The following TMEM175 variants were observed in gnomAD, a reference collection of about 807,000 sequenced individuals.
TMEM175 encodes the protein endosomal/lysosomal proton channel TMEM175.
A neutral mutation model predicts 36.5 loss-of-function variants in TMEM175; 36 were observed. That is an observed-to-expected ratio of 0.99 (90% CI 0.76 to 1.30). The LOEUF (loss-of-function observed/expected upper bound fraction) is 1.30, where lower values mean the gene tolerates loss of function less well. TMEM175 is among the 50% of genes most tolerant of loss of function. The pLI is 0.00. For missense variants in TMEM175, 705 were observed against 692.8 expected (o/e 1.02, Z -0.20); for synonymous variants, 339 against 313.4 (o/e 1.08, Z -0.86).
At chr4:934,399 A>C (rs1373831614) in intron 1 of TMEM175, among the ~76,000 whole-genome samples, 1 of 152,216 alleles carries the variant, frequency 6.6e-6, no homozygotes, top group African/African-American at 2.4e-5. Context: ...TGCAGCTAAG[A>C]GTGTCGAATG....
At chr4:952,345 G>C (rs776600456) in intron 6 of TMEM175, 22 bp from the exon 7 acceptor site, 9 of 1,606,848 alleles carry the variant, frequency 5.6e-6, no homozygotes, top group African/African-American at 1.3e-5. Context: ...GGGGGGGTTT[G>C]GTTTTGTTTT....
At chr4:947,266 C>G (rs565961233) in intron 1 of TMEM175, among the ~76,000 whole-genome samples, 17 of 143,146 alleles carry the variant, frequency 1.2e-4, no homozygotes, top group Non-Finnish European at 2.1e-4. Context: ...CGGGGGAGAG[C>G]GCGGCCCTGT....
chr4:948,159 C>T lies in TMEM175; in HGVS notation c.192+5C>T, dbSNP rs766195219. ...ACGGAGATCTCCCCAGAACAGGTAA[C>T]GGGGCAGGCTGTGCTCTGCGTGGTG... On this transcript the variant is annotated splice_donor_5th_base_variant and intron_variant, in intron 3 of 10. Coordinates refer to ENST00000264771, the MANE Select transcript of TMEM175 (RefSeq NM_032326.4). The T allele has an allele frequency of 3.8e-5, 61 of 1,614,024 alleles. No individual in the cohort carries two copies. Among genetic ancestry groups the T allele is most frequent in the Admixed American group, 8.3e-5 (5 of 60,004 alleles).
chr4:948,173 C>T lies in TMEM175; in HGVS notation c.192+19C>T, dbSNP rs201397699. On this transcript the variant is annotated intron_variant, in intron 3 of 10. Transcript: ENST00000264771. Reference sequence around the variant, plus strand: ...AGAACAGGTAACGGGGCAGGCTGTGCTCTGCGTGGTGTGGCCCTGCGAAGA... The same window carrying T: ...AGAACAGGTAACGGGGCAGGCTGTGTTCTGCGTGGTGTGGCCCTGCGAAGA... 8 of 1,614,126 alleles carry T rather than the reference C, an allele frequency of 5.0e-6. No homozygotes were observed. The East Asian group carries it at 1.6e-4, about 31-fold the overall frequency.
At position 951,206 on chromosome 4, in the gene TMEM175, GGTT is replaced by G; in HGVS notation, c.294_296del (p.Leu98del). The G allele has an allele frequency of 1.2e-6, 2 of 1,614,016 alleles. No individual in the cohort carries two copies. The highest frequency in any genetic ancestry group is 1.7e-6 in the Non-Finnish European group (2 of 1,179,966). ...GTCTATCTTTTTCTTAAATGGTTTAGGTTGTTCCAAGTTGTTGGGAAAACAGAC... is the reference window on the plus strand; with the variant it reads ...GTCTATCTTTTTCTTAAATGGTTTAGGTTCCAAGTTGTTGGGAAAACAGAC... On this transcript the variant is annotated inframe_deletion and splice_region_variant, in exon 5 of 11. Transcript: ENST00000264771.
chr4:951,072 A>C (rs1318682080), intron 4 of TMEM175, 135 bp from the exon 5 acceptor site: 17 of 874,118 alleles, frequency 1.9e-5, no homozygotes, highest in Non-Finnish European at 3.0e-5. Context: ...TCCGTGCACT[A>C]GGTAGTAGTT....
chr4:957,851 T>A lies in TMEM175; in HGVS notation c.870T>A (p.Asp290Glu). Residue 290 changes from aspartate (D) to glutamate (E), a missense_variant, in exon 11 of 11, where the codon GAT (aspartate) becomes GAA (glutamate). Physicochemically the swap from Asp to Glu is conservative, Grantham distance 45. Coordinates refer to ENST00000264771, the MANE Select transcript of TMEM175 (RefSeq NM_032326.4). ...ICEDNVPDPK[D>E]VKERFSGSLV... ...AAGACAACGTCCCGGACCCCAAGGA[T>A]GTGAAGGAGAGGTTCAGCGGCAGCC... 6.2e-7 allele frequency: 1 copy of A among 1,611,972 alleles called. No individual in the cohort carries two copies. Among genetic ancestry groups the A allele is most frequent in the East Asian group, 2.2e-5 (1 of 44,874 alleles).
intron 10 of TMEM175, among the ~76,000 whole-genome samples, chr4:957,444 G>A (rs892049599): frequency 3.3e-5 from 5 of 152,188 alleles, no homozygotes; most frequent in African/African-American, 9.7e-5. Context: ...GGGTGGCTCC[G>A]AGGGCTGGAA....
chr4:937,534 A>C (rs1362188372), intron 1 of TMEM175, among the ~76,000 whole-genome samples: 1 of 152,182 alleles, frequency 6.6e-6, no homozygotes, highest in Non-Finnish European at 1.5e-5. Context: ...TTGCACTCCA[A>C]CCTGGACAAC....
intron 1 of TMEM175, among the ~76,000 whole-genome samples, chr4:941,370 C>T (rs1428996686): frequency 2.1e-5 from 2 of 94,490 alleles, no homozygotes; most frequent in African/African-American, 9.2e-5. Context: ...GAGCGAAACT[C>T]TGTCTCAAAA....
chr4:957,257 G>A (rs943562077), intron 10 of TMEM175, among the ~76,000 whole-genome samples: 3 of 151,844 alleles, frequency 2.0e-5, no homozygotes, highest in African/African-American at 4.8e-5. Context: ...TTCACTTCCC[G>A]ATGTTGAAGG....
At position 932,738 on chromosome 4, in the gene TMEM175, C is replaced by G. The variant is rs571863090; in HGVS notation, c.-32+198C>G. ...AGTTGGCTAAGGAGCAAGGAGTTAGCGTGCGTTAAGCTTTCAGTAAATACT... is the reference window on the plus strand; with the variant it reads ...AGTTGGCTAAGGAGCAAGGAGTTAGGGTGCGTTAAGCTTTCAGTAAATACT... On this transcript the variant is annotated intron_variant, in intron 1 of 10. Transcript: ENST00000264771. The surrounding 1 kb of genome is among the most constrained non-coding windows in gnomAD (Gnocchi z 4.0). Among the ~76,000 whole-genome samples, 3 of 152,350 alleles carry G rather than the reference C, an allele frequency of 2.0e-5. No homozygotes were observed. The South Asian group carries it at 6.2e-4, about 32-fold the overall frequency.
At chr4:947,446 A>T (rs1728324861) in intron 1 of TMEM175, among the ~76,000 whole-genome samples, 1 of 152,100 alleles carries the variant, frequency 6.6e-6, no homozygotes, top group Admixed American at 6.5e-5. Flanking sequence ...CCGTTTCCTG[A>T]GGAGAAACTG....
intron 3 of TMEM175, among the ~76,000 whole-genome samples, chr4:950,180 G>A (rs565669204): frequency 6.6e-6 from 1 of 151,828 alleles, no homozygotes; most frequent in Non-Finnish European, 1.5e-5. Flanking sequence ...GTGGGGGCTG[G>A]AGGGGTGGGG....
At chr4:938,548 A>G (rs574406560) in intron 1 of TMEM175, among the ~76,000 whole-genome samples, 1 of 152,206 alleles carries the variant, frequency 6.6e-6, no homozygotes, top group East Asian at 1.9e-4. Context: ...AAAAAGAGCT[A>G]CTCGTGAGTT....
At chr4:949,474 ACCT>A (rs1026872459) in intron 3 of TMEM175, among the ~76,000 whole-genome samples, 3 of 152,222 alleles carry the variant, frequency 2.0e-5, no homozygotes, top group Middle Eastern at 3.4e-3. Context: ...AACAGTGGAC[ACCT>A]CCTTGTGAGG....
intron 8 of TMEM175, among the ~76,000 whole-genome samples, chr4:954,732 A>G (rs1364347853): frequency 6.6e-6 from 1 of 152,214 alleles, no homozygotes. Context: ...CCAAACTTCC[A>G]CAGCAGCTGC....
Position 951,100 on chromosome 4 carries a change from G to A in TMEM175, c.291-107G>A, listed in dbSNP as rs1728835988. 16 of 1,109,100 alleles carry A rather than the reference G, an allele frequency of 1.4e-5. No individual in the cohort carries two copies. The South Asian group carries it at 1.7e-4, about 12-fold the overall frequency. The allele number at this position is 1,109,100 out of a possible 1,614,324, so 68.7% of individuals were successfully genotyped here. A position where few individuals can be genotyped will look rare whatever the true frequency, so the allele number is the denominator to read the frequency against. Reference sequence around the variant, plus strand: ...TAGTAGTTTATATTTGGTTAACAGTGACATCTTTTAATGATGTTTTAACCA... The same window carrying A: ...TAGTAGTTTATATTTGGTTAACAGTAACATCTTTTAATGATGTTTTAACCA... On this transcript the variant is annotated intron_variant, in intron 4 of 10. Transcript: ENST00000264771.
At chr4:948,746 A>C in intron 3 of TMEM175, 1 of 1,051,706 alleles carries the variant, frequency 9.5e-7, no homozygotes, top group Non-Finnish European at 1.2e-6. Context: ...CTGTGTCCTC[A>C]TGACAGGGTC....
Sources: gnomAD v4.1 joint callset for allele counts (sites outside exome capture counted in the v4.1 genomes callset) on GRCh38, gnomAD v4.1.1 for gene constraint, Gnocchi (gnomAD v3.1) non-coding constraint, MANE v1.5 for transcripts, NCBI Gene and HGNC (gene_info 2026-07-23, HGNC 2026-07-21) for gene names.